KCNMA1: variants seen among roughly 807,000 people sequenced by gnomAD.
KCNMA1 encodes the protein Calcium-activated potassium channel subunit alpha-1.
KCNMA1 carries 29 observed loss-of-function variants against 140.0 expected under a neutral mutation model. The ratio of observed to expected loss-of-function variants is 0.21; its 90% CI spans 0.15 to 0.28. The LOEUF (loss-of-function observed/expected upper bound fraction) is 0.28. KCNMA1 is among the 10% of genes least tolerant of loss of function. The probability of loss-of-function intolerance (pLI) is 1.00; values close to 1 mark genes in which losing one functional copy is unlikely to be tolerated. For missense variants in KCNMA1, 880 were observed against 1,602.2 expected, an observed-to-expected ratio of 0.55 and a Z score of 7.70; for synonymous variants, 612 against 611.9, an observed-to-expected ratio of 1.00 and a Z score of 0.00.
chr10:77,490,942 C>T (rs1009100878), intron 1 of KCNMA1, among the ~76,000 whole-genome samples: 2 of 152,160 alleles, frequency 1.3e-5, no homozygotes, highest in Non-Finnish European at 2.9e-5. Context: ...AACTCCAGGG[C>T]CTACTGTAGG....
At chr10:76,914,497 T>C (rs1023869700) in intron 24 of KCNMA1, 10 of 350,392 alleles carry the variant, frequency 2.9e-5, no homozygotes, top group East Asian at 1.2e-4. Context: ...TTCTACCTTG[T>C]TCCCAAAATG....
chr10:76,903,698 G>A (rs1305302837), intron 25 of KCNMA1: 1 of 152,202 alleles, frequency 6.6e-6, no homozygotes, highest in Non-Finnish European at 1.5e-5. Flanking sequence ...AAAATCACAT[G>A]GCATTAGGTT....
chr10:76,970,030 T>G lies in KCNMA1; in HGVS notation c.2304A>C (p.Lys768Asn), dbSNP rs1364489722. ...DEQPSTLSPK[K>N]KQRNGGMRNS... Reference sequence around the variant, plus strand: ...TCCGCATGCCTCCATTCCGTTGCTTTTTTTTTGGTGATAGTGTTGACGGCT... The same window carrying G: ...TCCGCATGCCTCCATTCCGTTGCTTGTTTTTTGGTGATAGTGTTGACGGCT... Residue 768 changes from lysine (K) to asparagine (N), a missense_variant, in exon 20 of 28, where the codon AAA (lysine) becomes AAC (asparagine). Lys to Asn is a moderately conservative substitution (Grantham distance 94). Coordinates refer to ENST00000286628, the MANE Select transcript of KCNMA1 (RefSeq NM_001161352.2). The G allele has an allele frequency of 6.2e-7, 1 of 1,614,072 alleles. No homozygotes were observed. The highest frequency in any genetic ancestry group is 1.7e-5 in the Admixed American group (1 of 60,022).
chr10:77,210,841 G>C (rs1250867499), intron 3 of KCNMA1, among the ~76,000 whole-genome samples: 1 of 151,962 alleles, frequency 6.6e-6, no homozygotes, highest in East Asian at 1.9e-4. Flanking sequence ...AAAATACCTA[G>C]GAGCACAGCT....
intron 1 of KCNMA1, among the ~76,000 whole-genome samples, chr10:77,544,933 A>G (rs981572749): frequency 6.2e-4 from 95 of 152,332 alleles, no homozygotes; most frequent in African/African-American, 2.2e-3. Context: ...TTGTCTTCCA[A>G]CATAGGAAGA....
At chr10:77,110,373 G>T in intron 7 of KCNMA1, 30 bp from the exon 8 acceptor site, 1 of 1,590,510 alleles carries the variant, frequency 6.3e-7, no homozygotes, top group Non-Finnish European at 8.6e-7. Flanking sequence ...GGAGAAAAAA[G>T]AAAAACATGC....
At chr10:77,437,625 C>A (rs2097292585) in intron 1 of KCNMA1, among the ~76,000 whole-genome samples, 1 of 152,146 alleles carries the variant, frequency 6.6e-6, no homozygotes, top group Admixed American at 6.5e-5. Context: ...TATCCCCAGG[C>A]CCCCTGAGAG....
At position 77,280,543 on chromosome 10, in the gene KCNMA1, G is replaced by T. The variant is rs535009995; in HGVS notation, c.541-29287C>A. Among the ~76,000 whole-genome samples, 36 of 152,244 alleles carry T rather than the reference G, an allele frequency of 2.4e-4. 1 individual carries two copies. The South Asian group carries it at 7.3e-3, about 31-fold the overall frequency. ...TGTGTCTTTGTTTCTTCAAGACAGG[G>T]TCTTGCTTTGTTGCCCTTTGTTGCC... On this transcript the variant is annotated intron_variant, in intron 2 of 27. Transcript: ENST00000286628.
At chr10:77,397,823 G>A (rs1464200471) in intron 2 of KCNMA1, among the ~76,000 whole-genome samples, 2 of 152,038 alleles carry the variant, frequency 1.3e-5, no homozygotes, top group Non-Finnish European at 2.9e-5. Flanking sequence ...CTCTGTCCAT[G>A]TGTACACACT....
At chr10:76,893,967 A>G (rs1265257796) in intron 25 of KCNMA1, among the ~76,000 whole-genome samples, 1 of 152,126 alleles carries the variant, frequency 6.6e-6, no homozygotes, top group South Asian at 2.1e-4. Context: ...ATTTTTTTGT[A>G]AAAATGGAAA....
chr10:77,559,448 G>A (rs1443012246), intron 1 of KCNMA1, among the ~76,000 whole-genome samples: 3 of 152,102 alleles, frequency 2.0e-5, no homozygotes, highest in Non-Finnish European at 4.4e-5. Flanking sequence ...CCCCACACGG[G>A]CCCAGTCAAT....
chr10:77,621,451 G>A (rs551133159), intron 1 of KCNMA1, among the ~76,000 whole-genome samples: 36 of 152,032 alleles, frequency 2.4e-4, no homozygotes, highest in African/African-American at 6.5e-4. Context: ...ATGAGACTTC[G>A]CTGGTGGGTG....
chr10:77,142,388 G>T (rs555814297), intron 5 of KCNMA1, among the ~76,000 whole-genome samples: 1 of 149,168 alleles, frequency 6.7e-6, no homozygotes, highest in South Asian at 2.1e-4. Flanking sequence ...AAAAAGAAAA[G>T]AAAAGAAAAA....
intron 14 of KCNMA1, among the ~76,000 whole-genome samples, chr10:77,051,786 C>T (rs977879495): frequency 6.6e-6 from 1 of 152,144 alleles, no homozygotes; most frequent in Non-Finnish European, 1.5e-5. Flanking sequence ...CCTTAATTCC[C>T]TTCACCTGCA....
chr10:77,204,226 T>C lies in KCNMA1; in HGVS notation c.603-19310A>G, dbSNP rs556031603. ...GACTGATTTGTGTGCTCTTCCCGTGTTTCAGGGGAGTTTCAGGTTATCTCA... is the reference window on the plus strand; with the variant it reads ...GACTGATTTGTGTGCTCTTCCCGTGCTTCAGGGGAGTTTCAGGTTATCTCA... On this transcript the variant is annotated intron_variant, in intron 3 of 27. Transcript: ENST00000286628. 2.3e-4 allele frequency among the ~76,000 whole-genome samples: 35 copies of C among 152,258 alleles called. No individual in the cohort carries two copies. In the South Asian group the frequency reaches 6.6e-3, roughly 29 times the overall value.
intron 20 of KCNMA1, among the ~76,000 whole-genome samples, chr10:76,968,904 G>GT (rs2075012605): frequency 1.3e-5 from 2 of 152,168 alleles, no homozygotes; most frequent in Admixed American, 1.3e-4. Context: ...ACATGCAAAT[G>GT]TTATTGAATA....
chr10:77,092,600 C>T lies in KCNMA1; in HGVS notation c.1224-2090G>A, dbSNP rs138198568. Among the ~76,000 whole-genome samples, 435 of 152,290 alleles carry T rather than the reference C, an allele frequency of 2.9e-3. 2 individuals carry two copies. Among genetic ancestry groups the T allele is most frequent in the African/African-American group, 9.6e-3 (398 of 41,552 alleles). ...AAGCCAGATGTGATTCCCTGCTCTG[C>T]GACCAAGGGTGTGGGCAAAGTATTT... is the stretch of plus-strand genomic sequence containing the variant. On this transcript the variant is annotated intron_variant, in intron 9 of 27. Coordinates refer to ENST00000286628, the MANE Select transcript of KCNMA1 (RefSeq NM_001161352.2).
At chr10:77,184,033 A>G (rs573499082) in intron 4 of KCNMA1, among the ~76,000 whole-genome samples, 7 of 151,754 alleles carry the variant, frequency 4.6e-5, no homozygotes, top group African/African-American at 1.7e-4. Flanking sequence ...ATGTAAATAT[A>G]ACTATAAATA....
chr10:76,978,946 ATATTT>A (rs1382665974), intron 19 of KCNMA1, among the ~76,000 whole-genome samples: 2 of 152,192 alleles, frequency 1.3e-5, no homozygotes, highest in Admixed American at 6.5e-5. Flanking sequence ...TATTTTGAAA[ATATTT>A]TATTTTGATA....
Sources: allele counts gnomAD v4.1 joint callset (sites outside exome capture counted in the v4.1 genomes callset), GRCh38; gene constraint gnomAD v4.1.1; transcripts MANE v1.5; gene names NCBI Gene and HGNC (gene_info 2026-07-23, HGNC 2026-07-21).